Variants in FDFT1 observed in about 807,000 individuals in gnomAD.
FDFT1 encodes squalene synthase.
Under a neutral mutation model 46.8 loss-of-function variants are expected in FDFT1, and 68 were observed. That is an observed-to-expected ratio of 1.45 (90% CI 1.19 to 1.78). The LOEUF (loss-of-function observed/expected upper bound fraction) is 1.78, where lower values mean the gene tolerates loss of function less well. FDFT1 is among the 40% of genes most tolerant of loss of function. The pLI is 0.00. For missense variants in FDFT1, 928 were observed against 524.4 expected, an observed-to-expected ratio of 1.77 and a Z score of -7.52; for synonymous variants, 351 against 185.1, an observed-to-expected ratio of 1.90 and a Z score of -7.28.
upstream of FDFT1, among the ~76,000 whole-genome samples, chr8:11,801,488 T>G (rs567827388): frequency 1.6e-3 from 238 of 152,152 alleles, 2 homozygotes; most frequent in African/African-American, 5.6e-3. Flanking sequence ...CCTGGCTAAT[T>G]TTTGTATTTT....
intron 7 of FDFT1, among the ~76,000 whole-genome samples, chr8:11,835,915 C>T (rs1190138412): frequency 7.4e-6 from 1 of 134,506 alleles, no homozygotes; most frequent in Non-Finnish European, 1.5e-5. Context: ...AGGCGGATCA[C>T]TTGAGGTCAG....
At chr8:11,816,881 C>T (rs758418705) in intron 3 of FDFT1, among the ~76,000 whole-genome samples, 2 of 151,994 alleles carry the variant, frequency 1.3e-5, no homozygotes, top group African/African-American at 4.8e-5. Context: ...CCTGATTATC[C>T]TGGCCAGAAC....
upstream of FDFT1, chr8:11,802,165 T>C (rs1216721324): frequency 2.0e-5 from 9 of 448,220 alleles, no homozygotes; most frequent in East Asian, 6.3e-4. Context: ...TGGGGCTGGA[T>C]GGCGGTGGCG....
chr8:11,800,908 G>A (rs575531984), upstream of FDFT1, among the ~76,000 whole-genome samples: 1 of 152,132 alleles, frequency 6.6e-6, no homozygotes, highest in East Asian at 1.9e-4. Flanking sequence ...GGGAGTGGGA[G>A]GGCTGTCCAG....
chr8:11,802,729 G>C (rs1806284946), upstream of FDFT1: 1 of 880,242 alleles, frequency 1.1e-6, no homozygotes, highest in Non-Finnish European at 1.8e-6. Context: ...CCCCCTGTCC[G>C]GCCAGCCCCT....
chr8:11,819,167 A>G (rs1808872563), intron 3 of FDFT1, among the ~76,000 whole-genome samples: 2 of 152,190 alleles, frequency 1.3e-5, no homozygotes, highest in Non-Finnish European at 2.9e-5. Flanking sequence ...AGAATGCTGA[A>G]TATTGGCCCC....
At chr8:11,800,573 G>A (rs574456963), upstream of FDFT1, among the ~76,000 whole-genome samples, 1 of 152,160 alleles carries the variant, frequency 6.6e-6, no homozygotes, top group Non-Finnish European at 1.5e-5. Flanking sequence ...GGTGACAAAG[G>A]TTGAAACACC....
upstream of FDFT1, chr8:11,802,012 T>C (rs377618130): frequency 2.1e-4 from 96 of 456,056 alleles, no homozygotes; most frequent in African/African-American, 1.6e-3. Flanking sequence ...TTTCTAGGGC[T>C]GGAGAGATCT....
exon 1 of FDFT1, chr8:11,795,976 C>T (rs1474112933): frequency 2.0e-5 from 3 of 152,244 alleles, no homozygotes; most frequent in Non-Finnish European, 4.4e-5. Context: ...AAGAACCAAC[C>T]AATTCCGGAC....
intron 3 of FDFT1, among the ~76,000 whole-genome samples, chr8:11,818,549 A>G (rs1808783078): frequency 6.6e-6 from 1 of 152,004 alleles, no homozygotes; most frequent in South Asian, 2.1e-4. Context: ...GTGCTCCTGT[A>G]TTGGGTACAT....
At chr8:11,820,806 C>T (rs577096553) in intron 3 of FDFT1, among the ~76,000 whole-genome samples, 21 of 152,350 alleles carry the variant, frequency 1.4e-4, no homozygotes, top group African/African-American at 5.1e-4. Context: ...GGGAAATCCC[C>T]TGACCCCTTG....
At chr8:11,831,474 C>T (rs376586264) in intron 6 of FDFT1, 44 bp from the exon 7 acceptor site, 460 of 1,563,322 alleles carry the variant, frequency 2.9e-4, no homozygotes, top group Non-Finnish European at 3.8e-4. Context: ...TGATAGCTAA[C>T]GACATCATTT....
intron 6 of FDFT1, 115 bp from the exon 7 acceptor site, chr8:11,831,403 A>C (rs1810764603): frequency 1.2e-6 from 1 of 837,346 alleles, no homozygotes; most frequent in Non-Finnish European, 1.9e-6. Context: ...ATTCCATCTT[A>C]GTTGATTAGC....
chr8:11,797,867 T>G (rs1017925267), upstream of FDFT1: 2 of 152,110 alleles, frequency 1.3e-5, no homozygotes, highest in African/African-American at 4.8e-5. Context: ...CGGGGGACAA[T>G]AAGTGCTGCT....
In FDFT1 at chr8:11,809,659, T is replaced by C. The variant is rs746146450; in HGVS notation, c.198-8T>C. On this transcript the variant is annotated splice_polypyrimidine_tract_variant and splice_region_variant and intron_variant, in intron 2 of 7. Transcript: ENST00000220584. The stretch of plus-strand genomic sequence containing the variant: ...TCCAATATATTAATAGTTTTCCCTT[T>C]TTTACAGCAACGCAGTGTGCATATT... 118 of 1,583,964 alleles carry C rather than the reference T, an allele frequency of 7.4e-5. No homozygotes were observed. Among genetic ancestry groups the C allele is most frequent in the Non-Finnish European group, 1.0e-4 (118 of 1,167,930 alleles).
upstream of FDFT1, chr8:11,802,118 G>A (rs1285534700): frequency 4.4e-6 from 2 of 454,478 alleles, no homozygotes; most frequent in African/African-American, 2.0e-5. Context: ...ACACTAGAGA[G>A]GGGGCAGCTG....
chr8:11,803,556 A>G, intron 1 of FDFT1: 3 of 1,040,336 alleles, frequency 2.9e-6, no homozygotes, highest in Non-Finnish European at 3.7e-6. Flanking sequence ...TATCTGCCTC[A>G]TGCCTGTACT....
intron 7 of FDFT1, among the ~76,000 whole-genome samples, chr8:11,837,437 G>GTT (rs1811700083): frequency 6.6e-6 from 1 of 152,130 alleles, no homozygotes; most frequent in Non-Finnish European, 1.5e-5. Context: ...TTACTGTGTT[G>GTT]TCCAGGCTGG....
intron 3 of FDFT1, among the ~76,000 whole-genome samples, chr8:11,810,831 C>G (rs944737974): frequency 1.4e-5 from 2 of 144,080 alleles, no homozygotes; most frequent in South Asian, 4.5e-4. Flanking sequence ...GTTATTGAAA[C>G]AAACCTAATC....
Sources: allele counts gnomAD v4.1 joint callset (sites outside exome capture counted in the v4.1 genomes callset), GRCh38; gene constraint gnomAD v4.1.1; transcripts MANE v1.5; gene names NCBI Gene and HGNC (gene_info 2026-07-23, HGNC 2026-07-21).